The following MCOLN3 variants were observed in gnomAD, a reference collection of about 807,000 sequenced individuals.
The protein encoded by MCOLN3 is mucolipin TRP cation channel 3.
MCOLN3 carries 62 observed loss-of-function variants against 69.4 expected under a neutral mutation model. The observed-to-expected ratio is 0.89, with a 90% CI of 0.73 to 1.10. MCOLN3 has a LOEUF of 1.10. MCOLN3 is among the 50% of genes least tolerant of loss of function. The pLI is 0.00. For synonymous variants in MCOLN3, 183 were observed against 217.0 expected, an observed-to-expected ratio of 0.84 and a Z score of 1.38; for missense variants, 564 against 656.4, an observed-to-expected ratio of 0.86 and a Z score of 1.54.
intron 4 of MCOLN3, 108 bp from the exon 5 acceptor site, chr1:85,033,064 C>A: frequency 2.0e-6 from 2 of 988,064 alleles, no homozygotes; most frequent in South Asian, 2.9e-5. Flanking sequence ...TTTTCAGATT[C>A]TATTATTTTT....
Position 85,041,520 on chromosome 1 carries a change from A to G in MCOLN3, c.229-343T>C, listed in dbSNP as rs561422447. On this transcript the variant is annotated intron_variant, in intron 2 of 12. Transcript: ENST00000370589. ...TGAAACTCAGTTGTTGACACACACA[A>G]AAGGTTTCACTGCACTGTTGTCATA... Among the ~76,000 whole-genome samples, 51 of 152,324 alleles carry G rather than the reference A, an allele frequency of 3.3e-4. No individual in the cohort carries two copies. The South Asian group carries it at 1.0e-2, about 30-fold the overall frequency.
intron 9 of MCOLN3, among the ~76,000 whole-genome samples, chr1:85,023,934 A>C (rs189333328): frequency 6.6e-6 from 1 of 152,332 alleles, no homozygotes; most frequent in East Asian, 1.9e-4. Flanking sequence ...CTAGGTCAGC[A>C]TGAGGGTACA....
intron 4 of MCOLN3, among the ~76,000 whole-genome samples, chr1:85,033,402 A>T (rs199813815): frequency 1.3e-5 from 2 of 152,166 alleles, no homozygotes; most frequent in Non-Finnish European, 2.9e-5. Context: ...ACACACACCA[A>T]AAAAGGAAGA....
At chr1:85,029,059 A>C (rs1652368493) in intron 7 of MCOLN3, 47 bp downstream of exon 7, 1 of 1,214,342 alleles carries the variant, frequency 8.2e-7, no homozygotes, top group Non-Finnish European at 1.2e-6. Flanking sequence ...TAACCATTTT[A>C]CATTATTTAA....
chr1:85,046,179 CT>C (rs1376878865), intron 1 of MCOLN3, among the ~76,000 whole-genome samples: 1 of 152,182 alleles, frequency 6.6e-6, no homozygotes, highest in Non-Finnish European at 1.5e-5. Context: ...GGAAACATAA[CT>C]GTTGTACAAA....
At chr1:85,019,707 G>A (rs1401004522) in intron 12 of MCOLN3, among the ~76,000 whole-genome samples, 1 of 152,220 alleles carries the variant, frequency 6.6e-6, no homozygotes, top group Non-Finnish European at 1.5e-5. Context: ...GCCAAGGGAT[G>A]GAAATCCCTG....
intron 3 of MCOLN3, among the ~76,000 whole-genome samples, chr1:85,035,535 G>A (rs895007694): frequency 6.6e-6 from 1 of 152,094 alleles, no homozygotes; most frequent in Non-Finnish European, 1.5e-5. Flanking sequence ...CAGTTGTTCA[G>A]GCCAAAACTT....
chr1:85,025,634 G>T, intron 9 of MCOLN3: 2 of 215,524 alleles, frequency 9.3e-6, no homozygotes. Flanking sequence ...GGTTGTGTAT[G>T]AATTTTGGTG....
intron 1 of MCOLN3, among the ~76,000 whole-genome samples, 178 bp from the exon 2 acceptor site, chr1:85,045,540 T>C (rs1322076911): frequency 6.6e-6 from 1 of 152,258 alleles, no homozygotes; most frequent in Admixed American, 6.5e-5. Flanking sequence ...ATGTAGGACG[T>C]CACTTTTTTA....
At position 85,026,214 on chromosome 1, in the gene MCOLN3, G is replaced by A; in HGVS notation, c.903C>T (p.Ile301=). The A allele has an allele frequency of 1.9e-6, 3 of 1,614,134 alleles. No individual in the cohort carries two copies. The highest frequency in any genetic ancestry group is 2.5e-6 in the Non-Finnish European group (3 of 1,180,006). ...FVILTCLVSL[I]LCIRSVIRGL... The stretch of plus-strand genomic sequence containing the variant: ...CTCTAATCACAGATCTAATGCAGAG[G>A]ATTAATGAAACCAAGCAAGTCAGAA... The change falls in exon 8 of 13, where the codon ATC becomes ATT. Residue 301 remains isoleucine (I), a synonymous_variant. Coordinates refer to ENST00000370589, the MANE Select transcript of MCOLN3 (RefSeq NM_018298.11).
intron 6 of MCOLN3, among the ~76,000 whole-genome samples, chr1:85,030,258 G>A (rs375378266): frequency 1.2e-4 from 19 of 152,258 alleles, no homozygotes; most frequent in Middle Eastern, 3.4e-3. Context: ...ACAAATAATA[G>A]GTGCTCACTA....
At chr1:85,044,309 T>C (rs1160558224) in intron 2 of MCOLN3, among the ~76,000 whole-genome samples, 1 of 152,224 alleles carries the variant, frequency 6.6e-6, no homozygotes, top group East Asian at 1.9e-4. Flanking sequence ...AGTAATATCC[T>C]GTTTTTTTTA....
At chr1:85,024,892 C>T (rs1652136694) in intron 9 of MCOLN3, 1 of 152,220 alleles carries the variant, frequency 6.6e-6, no homozygotes, top group African/African-American at 2.4e-5. Context: ...CCATTCTCCC[C>T]TTCCTAGGCA....
rs1413445300 is a variant in MCOLN3, at chr1:85,032,794, T to G, written c.636-2A>C. The G allele has an allele frequency of 6.2e-7, 1 of 1,613,858 alleles. No individual in the cohort carries two copies. Among genetic ancestry groups the G allele is most frequent in the African/African-American group, 1.3e-5 (1 of 74,950 alleles). On this transcript the variant is annotated splice_acceptor_variant, in intron 5 of 12. Transcript: ENST00000370589. LOFTEE classifies it high-confidence loss of function. ...AACTGAAGCTCCACTGTTAGGAGTCTAGAAAACAGAGGTGATTTTAGTTCT... is the reference window on the plus strand; with the variant it reads ...AACTGAAGCTCCACTGTTAGGAGTCGAGAAAACAGAGGTGATTTTAGTTCT...
chr1:85,041,247 G>A (rs530835928), intron 2 of MCOLN3, 70 bp from the exon 3 acceptor site: 6 of 1,308,722 alleles, frequency 4.6e-6, no homozygotes, highest in Non-Finnish European at 4.2e-6. Context: ...AGAAGGTACA[G>A]GGGCTTGAAC....
At chr1:85,041,287 C>A in intron 2 of MCOLN3, 110 bp from the exon 3 acceptor site, 1 of 857,762 alleles carries the variant, frequency 1.2e-6, no homozygotes. Context: ...AATGAATTCT[C>A]TGGGACATCA....
intron 6 of MCOLN3, among the ~76,000 whole-genome samples, chr1:85,031,256 C>T (rs1229916920): frequency 1.5e-5 from 2 of 129,286 alleles, no homozygotes; most frequent in African/African-American, 3.1e-5. Context: ...GGCAATGGAG[C>T]GAGAATCCAT....
intron 6 of MCOLN3, among the ~76,000 whole-genome samples, 185 bp downstream of exon 6, chr1:85,032,511 T>C (rs1159610230): frequency 1.3e-5 from 2 of 152,202 alleles, no homozygotes; most frequent in Non-Finnish European, 2.9e-5. Context: ...GTAGAAGACA[T>C]AACTAACAAG....
intron 2 of MCOLN3, among the ~76,000 whole-genome samples, chr1:85,043,697 A>G (rs1653194402): frequency 6.6e-6 from 1 of 152,144 alleles, no homozygotes; most frequent in Non-Finnish European, 1.5e-5. Context: ...ATTGAGACAC[A>G]CCATATTATC....
Sources: gnomAD v4.1 joint callset for allele counts (sites outside exome capture counted in the v4.1 genomes callset) on GRCh38, gnomAD v4.1.1 for gene constraint, MANE v1.5 for transcripts, NCBI Gene and HGNC (gene_info 2026-07-23, HGNC 2026-07-21) for gene names.